TBC1D14: variants seen among roughly 807,000 people sequenced by gnomAD.
The protein encoded by TBC1D14 is TBC1 domain family member 14.
Under a neutral mutation model 79.0 loss-of-function variants are expected in TBC1D14, and 26 were observed. The observed-to-expected ratio is 0.33, with a 90% CI of 0.24 to 0.46. The LOEUF (loss-of-function observed/expected upper bound fraction) is 0.46. Ranked by LOEUF, TBC1D14 falls within the 20% of genes least tolerant of loss-of-function variation. The probability of loss-of-function intolerance (pLI) is 1.00; values close to 1 mark genes in which losing one functional copy is unlikely to be tolerated. For synonymous variants in TBC1D14, 394 were observed against 349.9 expected, an observed-to-expected ratio of 1.13 and a Z score of -1.40; for missense variants, 769 against 887.6, an observed-to-expected ratio of 0.87 and a Z score of 1.70.
intron 4 of TBC1D14, chr4:6,995,500 T>C (rs1488644020): frequency 6.6e-6 from 1 of 150,956 alleles, no homozygotes; most frequent in Non-Finnish European, 1.5e-5. Flanking sequence ...CTAATCTTTA[T>C]CATTCATTTT....
chr4:6,964,801 T>C (rs1715556203), intron 2 of TBC1D14, among the ~76,000 whole-genome samples: 1 of 152,336 alleles, frequency 6.6e-6, no homozygotes, highest in African/African-American at 2.4e-5. Context: ...TTTATTTTTT[T>C]GAAAGTTTCT....
At position 6,923,790 on chromosome 4, in the gene TBC1D14, G is replaced by T. The variant is rs1577464071; in HGVS notation, c.401G>T (p.Gly134Val). The change falls in exon 2 of 14, where the codon GGC (glycine) becomes GTC (valine). Residue 134 changes from glycine (G) to valine (V), a missense_variant. Transcript: ENST00000409757. ...VRKSSTFPRTGYDSVKLYSPT... is the reference protein window; with the variant it reads ...VRKSSTFPRTVYDSVKLYSPT... Reference sequence around the variant, plus strand: ...AAATCCTCCACGTTTCCCAGGACAGGCTATGACTCGGTAAAGCTCTATAGC... The same window carrying T: ...AAATCCTCCACGTTTCCCAGGACAGTCTATGACTCGGTAAAGCTCTATAGC... 4 of 1,614,122 alleles carry T rather than the reference G, an allele frequency of 2.5e-6. No homozygotes were observed. In the East Asian group the frequency reaches 8.9e-5, roughly 36 times the overall value.
intron 1 of TBC1D14, among the ~76,000 whole-genome samples, chr4:6,910,978 A>G (rs1045804381): frequency 1.3e-5 from 2 of 152,058 alleles, no homozygotes; most frequent in African/African-American, 4.8e-5. Flanking sequence ...TGTCCCCAGT[A>G]TTGTAGGATG....
At chr4:6,924,264 T>G (rs56173170) in intron 2 of TBC1D14, among the ~76,000 whole-genome samples, 153 bp downstream of exon 2, 82,529 of 151,456 alleles carry the variant, frequency 0.54, 22,594 homozygotes, top group East Asian at 0.67. Context: ...CCCGGAATCC[T>G]GTGGGATTGT....
chr4:6,975,334 G>C (rs1716625787), intron 3 of TBC1D14, among the ~76,000 whole-genome samples: 2 of 152,102 alleles, frequency 1.3e-5, no homozygotes, highest in African/African-American at 4.8e-5. Context: ...TCAGCCTCGT[G>C]AGTAACCGGG....
chr4:6,924,168 T>G, intron 2 of TBC1D14, 57 bp downstream of exon 2: 2 of 1,535,240 alleles, frequency 1.3e-6, no homozygotes, highest in Non-Finnish European at 1.7e-6. Flanking sequence ...ACCAGTCTCC[T>G]TGTTCCTGTC....
chr4:6,992,376 C>T (rs1306662254), intron 3 of TBC1D14, among the ~76,000 whole-genome samples: 1 of 152,218 alleles, frequency 6.6e-6, no homozygotes, highest in African/African-American at 2.4e-5. Flanking sequence ...GCGGCAGGCC[C>T]AGCCTTGCTG....
At chr4:6,956,686 TCTC>T (rs1412414627) in intron 2 of TBC1D14, among the ~76,000 whole-genome samples, 1 of 152,192 alleles carries the variant, frequency 6.6e-6, no homozygotes, top group Non-Finnish European at 1.5e-5. Context: ...CACTGCTTGG[TCTC>T]CTCAAAGCCT....
chr4:6,967,236 G>A, intron 2 of TBC1D14, 68 bp from the exon 3 acceptor site: 1 of 1,570,944 alleles, frequency 6.4e-7, no homozygotes, highest in Non-Finnish European at 8.6e-7. Context: ...TTATTAGAGT[G>A]GTTCTGCTGT....
chr4:6,924,766 T>A (rs558360875), intron 2 of TBC1D14, among the ~76,000 whole-genome samples: 2 of 152,320 alleles, frequency 1.3e-5, no homozygotes, highest in African/African-American at 4.8e-5. Flanking sequence ...AGCTTCTGCC[T>A]CTCGTTTGTG....
At chr4:7,008,247 G>T (rs1720407457) in intron 9 of TBC1D14, among the ~76,000 whole-genome samples, 1 of 152,228 alleles carries the variant, frequency 6.6e-6, no homozygotes, top group Non-Finnish European at 1.5e-5. Context: ...GGAGGCCAAA[G>T]AAGTTTCTTC....
At chr4:6,974,425 G>A (rs1479249089) in intron 3 of TBC1D14, among the ~76,000 whole-genome samples, 1 of 152,206 alleles carries the variant, frequency 6.6e-6, no homozygotes, top group African/African-American at 2.4e-5. Context: ...GAGAGGAGGA[G>A]CTCAGGAAGG....
At chr4:7,017,909 T>A (rs1290789257) in intron 12 of TBC1D14, among the ~76,000 whole-genome samples, 1 of 152,164 alleles carries the variant, frequency 6.6e-6, no homozygotes, top group Non-Finnish European at 1.5e-5. Flanking sequence ...GACAGTTCGG[T>A]GAAAGCTCAG....
Position 6,999,079 on chromosome 4 carries a change from T to C in TBC1D14, c.1046-6T>C. 1 of 1,613,794 alleles carries C rather than the reference T, an allele frequency of 6.2e-7. No individual in the cohort carries two copies. Among genetic ancestry groups the C allele is most frequent in the Non-Finnish European group, 8.5e-7 (1 of 1,179,702 alleles). On this transcript the variant is annotated splice_region_variant and splice_polypyrimidine_tract_variant and intron_variant, in intron 5 of 13. Transcript: ENST00000409757. ...GATTGTTGTTTTTCTAAATTGTGAT[T>C]TCTAGAGCTGAAAGAAGCCCAGCGA...
chr4:6,934,479 T>G (rs111359578), intron 2 of TBC1D14, among the ~76,000 whole-genome samples: 3,154 of 152,004 alleles, frequency 0.021, 132 homozygotes, highest in African/African-American at 0.071. Context: ...GCCAACATGG[T>G]GAAACCCCAT....
At chr4:6,956,922 A>T (rs532838733) in intron 2 of TBC1D14, among the ~76,000 whole-genome samples, 10 of 152,254 alleles carry the variant, frequency 6.6e-5, no homozygotes, top group Non-Finnish European at 1.5e-4. Flanking sequence ...ATGGACAGCC[A>T]GTAAGCTGCT....
At chr4:7,023,972 T>G (rs1046562807) in intron 12 of TBC1D14, among the ~76,000 whole-genome samples, 13 of 152,226 alleles carry the variant, frequency 8.5e-5, no homozygotes, top group African/African-American at 3.1e-4. Flanking sequence ...TAGAAGGTTC[T>G]GATGAGGGAC....
chr4:7,032,949 A>G lies in TBC1D14; in HGVS notation c.*2557A>G, dbSNP rs575633152. 35 of 152,754 alleles carry G rather than the reference A, an allele frequency of 2.3e-4. No individual in the cohort carries two copies. The highest frequency in any genetic ancestry group is 7.7e-4 in the African/African-American group (32 of 41,588). The allele number at this position is 152,754 out of a possible 1,614,324, so 9.5% of individuals were successfully genotyped here. A position where few individuals can be genotyped will look rare whatever the true frequency, so the allele number is the denominator to read the frequency against. On this transcript the variant is annotated 3_prime_UTR_variant, in exon 14 of 14. Coordinates refer to ENST00000409757, the MANE Select transcript of TBC1D14 (RefSeq NM_020773.3). ...CTTTTTAACTGCTCAGTTTTTGACT[A>G]TTTTAAATAGTTTGCTGAAAACTCC...
chr4:6,939,512 A>G (rs866811901), intron 2 of TBC1D14, among the ~76,000 whole-genome samples: 1 of 152,124 alleles, frequency 6.6e-6, no homozygotes, highest in African/African-American at 2.4e-5. Context: ...AGATGGTTGA[A>G]TTCAGACGTC....
Sources: gnomAD v4.1 joint callset for allele counts (sites outside exome capture counted in the v4.1 genomes callset) on GRCh38, gnomAD v4.1.1 for gene constraint, MANE v1.5 for transcripts, NCBI Gene and HGNC (gene_info 2026-07-23, HGNC 2026-07-21) for gene names.